Variants in ITPR2 observed in about 807,000 individuals in gnomAD.
ITPR2 encodes inositol 1,4,5-trisphosphate receptor type 2.
ITPR2 carries 207 observed loss-of-function variants against 317.1 expected under a neutral mutation model. The observed-to-expected ratio is 0.65, with a 90% CI of 0.58 to 0.73. The LOEUF (loss-of-function observed/expected upper bound fraction) is 0.73. Ranked by LOEUF, ITPR2 falls within the 30% of genes least tolerant of loss-of-function variation. ITPR2 has a pLI of 0.00. For synonymous variants in ITPR2, 1,156 were observed against 1,149.1 expected (o/e 1.01, Z -0.12); for missense variants, 2,613 against 3,284.0 (o/e 0.80, Z 4.99).
intron 45 of ITPR2, among the ~76,000 whole-genome samples, chr12:26,465,289 G>A (rs61913996): frequency 0.021 from 3,245 of 152,240 alleles, 157 homozygotes; most frequent in East Asian, 0.21. Context: ...TTAGTGACAG[G>A]ACAAAAGATG....
Position 26,602,383 on chromosome 12 carries a change from AT to A in ITPR2, c.3664del (p.Ile1222TyrfsTer10). The A allele has an allele frequency of 1.2e-6, 2 of 1,612,918 alleles. No homozygotes were observed. The highest frequency in any genetic ancestry group is 1.7e-6 in the Non-Finnish European group (2 of 1,179,438). ...AHSVVLDLLQIPYEKNDEKMN... is the reference protein window; with the variant it reads ...AHSVVLDLLQXPYEKNDEKMN... ...ACCAGGACTAACCTTTTCATAGGGT[AT>A]CTGCAGAAGATCCAACACCACCGAA... On this transcript the variant is annotated frameshift_variant, in exon 28 of 57. Transcript: ENST00000381340. LOFTEE classifies it high-confidence loss of function.
At chr12:26,710,700 A>G (rs1948629976) in intron 9 of ITPR2, among the ~76,000 whole-genome samples, 1 of 152,204 alleles carries the variant, frequency 6.6e-6, no homozygotes, top group Non-Finnish European at 1.5e-5. Flanking sequence ...CGTTTTTACC[A>G]TTTTATTGAC....
intron 37 of ITPR2, among the ~76,000 whole-genome samples, chr12:26,536,234 C>T (rs1944086121): frequency 6.6e-6 from 1 of 152,148 alleles, no homozygotes. Flanking sequence ...CTCAATCTGT[C>T]AAGATTTTCC....
At chr12:26,567,922 G>A (rs1227941655) in intron 34 of ITPR2, among the ~76,000 whole-genome samples, 1 of 132,782 alleles carries the variant, frequency 7.5e-6, no homozygotes, top group Non-Finnish European at 1.5e-5. Context: ...CTTTTACTAA[G>A]CTAGAAAAAT....
chr12:26,565,881 G>A (rs1944953549), intron 34 of ITPR2, among the ~76,000 whole-genome samples: 1 of 39,926 alleles, frequency 2.5e-5, no homozygotes, highest in Non-Finnish European at 5.6e-5. Context: ...GGAGAGGAGA[G>A]GGGAGGGGAG....
intron 10 of ITPR2, among the ~76,000 whole-genome samples, chr12:26,689,769 A>C (rs555841453): frequency 2.0e-5 from 3 of 152,324 alleles, no homozygotes; most frequent in South Asian, 4.2e-4. Flanking sequence ...TGTCAAGGTT[A>C]AAAACTGTAG....
At chr12:26,684,629 A>G (rs891619277) in intron 11 of ITPR2, among the ~76,000 whole-genome samples, 1 of 152,250 alleles carries the variant, frequency 6.6e-6, no homozygotes, top group Non-Finnish European at 1.5e-5. Flanking sequence ...ATGTTAATAC[A>G]AAATTCTGCA....
chr12:26,558,461 C>A (rs1368293317), intron 35 of ITPR2, among the ~76,000 whole-genome samples: 1 of 152,168 alleles, frequency 6.6e-6, no homozygotes. Flanking sequence ...CATATAAATG[C>A]TAGTAATCTT....
At chr12:26,452,189 T>C (rs534998468) in intron 45 of ITPR2, among the ~76,000 whole-genome samples, 2 of 152,150 alleles carry the variant, frequency 1.3e-5, no homozygotes, top group South Asian at 4.2e-4. Flanking sequence ...ACTGTTCTAA[T>C]AGATAGTAGA....
chr12:26,679,969 C>A (rs1947998225), intron 13 of ITPR2, among the ~76,000 whole-genome samples: 1 of 151,648 alleles, frequency 6.6e-6, no homozygotes, highest in Non-Finnish European at 1.5e-5. Context: ...TTATATAATA[C>A]AGAAATGGAA....
intron 34 of ITPR2, among the ~76,000 whole-genome samples, chr12:26,576,059 A>G (rs1945268376): frequency 6.6e-6 from 1 of 152,212 alleles, no homozygotes; most frequent in African/African-American, 2.4e-5. Context: ...CTGAAAGAAA[A>G]ATACTTAGCA....
At chr12:26,642,974 A>ACT (rs1158399316) in intron 21 of ITPR2, among the ~76,000 whole-genome samples, 1 of 152,030 alleles carries the variant, frequency 6.6e-6, no homozygotes, top group Non-Finnish European at 1.5e-5. Flanking sequence ...GCATTGAGAT[A>ACT]CTCTCTCCCA....
chr12:26,420,558 A>T (rs1167257869), intron 49 of ITPR2, among the ~76,000 whole-genome samples: 1 of 152,160 alleles, frequency 6.6e-6, no homozygotes, highest in Non-Finnish European at 1.5e-5. Flanking sequence ...AATTAACAAC[A>T]TAGCAACTAA....
chr12:26,573,621 T>C (rs1182359001), intron 34 of ITPR2, among the ~76,000 whole-genome samples: 2 of 152,204 alleles, frequency 1.3e-5, no homozygotes, highest in South Asian at 2.1e-4. Context: ...TGAGCCCTTA[T>C]ATTTTGAACT....
intron 5 of ITPR2, among the ~76,000 whole-genome samples, chr12:26,718,181 G>A (rs3782310): frequency 0.32 from 48,894 of 151,834 alleles, 9,167 homozygotes; most frequent in East Asian, 0.79. Flanking sequence ...CTATTGACCC[G>A]TCCTCTAAGT....
At chr12:26,638,892 G>T (rs1946918674) in intron 21 of ITPR2, among the ~76,000 whole-genome samples, 1 of 152,198 alleles carries the variant, frequency 6.6e-6, no homozygotes, top group East Asian at 1.9e-4. Flanking sequence ...TCAAGTACAT[G>T]ATGTGGGAAA....
intron 34 of ITPR2, among the ~76,000 whole-genome samples, chr12:26,567,349 T>C (rs1029660476): frequency 3.9e-5 from 6 of 152,210 alleles, no homozygotes; most frequent in Admixed American, 2.6e-4. Flanking sequence ...CATTCTTCTA[T>C]AGCCAGCACC....
chr12:26,340,381 T>G, intron 55 of ITPR2, 53 bp from the exon 56 acceptor site: 1 of 1,463,628 alleles, frequency 6.8e-7, no homozygotes, highest in Non-Finnish European at 9.1e-7. Flanking sequence ...AAGGGGAGAA[T>G]GTCTATAGCT....
intron 55 of ITPR2, among the ~76,000 whole-genome samples, chr12:26,341,833 A>T (rs1355784568): frequency 6.6e-6 from 1 of 152,198 alleles, no homozygotes; most frequent in East Asian, 1.9e-4. Context: ...TGTGTATCAA[A>T]ATCCCCTGGT....
Sources: gnomAD v4.1 joint callset for allele counts (sites outside exome capture counted in the v4.1 genomes callset) on GRCh38, gnomAD v4.1.1 for gene constraint, MANE v1.5 for transcripts, NCBI Gene and HGNC (gene_info 2026-07-23, HGNC 2026-07-21) for gene names.